Variants in DOCK3 observed in about 807,000 individuals in gnomAD.
The protein encoded by DOCK3 is dedicator of cytokinesis 3.
Under a neutral mutation model 265.6 loss-of-function variants are expected in DOCK3, and 60 were observed. The observed-to-expected ratio is 0.23, with a 90% CI of 0.18 to 0.28. DOCK3 has a LOEUF of 0.28. Among genes scored for constraint, DOCK3 ranks in the 10% least tolerant of loss-of-function variants. The probability of loss-of-function intolerance (pLI) is 1.00; values close to 1 mark genes in which losing one functional copy is unlikely to be tolerated. For missense variants in DOCK3, 1,981 were observed against 2,594.3 expected, an observed-to-expected ratio of 0.76 and a Z score of 5.14; for synonymous variants, 881 against 938.0, an observed-to-expected ratio of 0.94 and a Z score of 1.11.
intron 3 of DOCK3, among the ~76,000 whole-genome samples, chr3:50,877,980 C>T: frequency 6.6e-6 from 1 of 152,248 alleles, no homozygotes; most frequent in Non-Finnish European, 1.5e-5. Flanking sequence ...TGCTGTTCTG[C>T]AGCCTCCGCT....
chr3:51,073,186 A>G (rs1252913315), intron 6 of DOCK3, among the ~76,000 whole-genome samples: 1 of 152,272 alleles, frequency 6.6e-6, no homozygotes, highest in East Asian at 1.9e-4. Context: ...GAAAATTTGG[A>G]AAGTGTTTTA....
intron 1 of DOCK3, among the ~76,000 whole-genome samples, chr3:50,757,033 CA>C (rs1230667387): frequency 6.6e-6 from 1 of 151,974 alleles, no homozygotes; most frequent in Non-Finnish European, 1.5e-5. Flanking sequence ...GCTAATTTTT[CA>C]TAGAGACAGG....
chr3:50,794,528 GT>G (rs1347883945), intron 2 of DOCK3, among the ~76,000 whole-genome samples: 1 of 152,112 alleles, frequency 6.6e-6, no homozygotes, highest in Non-Finnish European at 1.5e-5. Context: ...TTTAAAGTCT[GT>G]TTTGTCTGAA....
chr3:50,712,695 C>A (rs898456834), intron 1 of DOCK3, among the ~76,000 whole-genome samples: 1 of 152,154 alleles, frequency 6.6e-6, no homozygotes. Context: ...AAAGTCTTTT[C>A]TGTTTTTCTT....
intron 9 of DOCK3, among the ~76,000 whole-genome samples, chr3:51,104,261 A>T (rs918165568): frequency 4.6e-5 from 7 of 152,246 alleles, no homozygotes; most frequent in Admixed American, 6.5e-5. Flanking sequence ...GAACAAGGAC[A>T]TAGGACAAAG....
intron 5 of DOCK3, among the ~76,000 whole-genome samples, chr3:51,063,135 C>A (rs953200807): frequency 1.3e-5 from 2 of 151,998 alleles, no homozygotes; most frequent in African/African-American, 2.4e-5. Context: ...CTAATCCCAG[C>A]ACTTTAGGGG....
intron 2 of DOCK3, among the ~76,000 whole-genome samples, chr3:50,808,250 T>G (rs2609037): frequency 0.094 from 14,364 of 152,256 alleles, 839 homozygotes; most frequent in Non-Finnish European, 0.12. Flanking sequence ...TGTTTATGAA[T>G]TGAAAGACTA....
chr3:50,965,033 TAGA>T (rs2076989949), intron 5 of DOCK3, among the ~76,000 whole-genome samples: 1 of 152,056 alleles, frequency 6.6e-6, no homozygotes, highest in South Asian at 2.1e-4. Flanking sequence ...AATGTATTAC[TAGA>T]AGACCTGAAC....
intron 19 of DOCK3, 29 bp downstream of exon 19, chr3:51,229,638 TG>T: frequency 6.6e-7 from 1 of 1,523,610 alleles, no homozygotes; most frequent in Non-Finnish European, 8.9e-7. Context: ...TTAAACATAC[TG>T]CATGAGGAAG....
At chr3:51,089,426 T>A in intron 8 of DOCK3, 142 bp downstream of exon 8, 1 of 1,029,550 alleles carries the variant, frequency 9.7e-7, no homozygotes, top group Non-Finnish European at 1.4e-6. Flanking sequence ...CTTTGACCTC[T>A]AAACAGTTTT....
At chr3:51,316,886 T>C (rs897898326) in intron 32 of DOCK3, among the ~76,000 whole-genome samples, 1 of 152,212 alleles carries the variant, frequency 6.6e-6, no homozygotes, top group African/African-American at 2.4e-5. Context: ...TTTACAGATA[T>C]TTTCTGCAAA....
intron 1 of DOCK3, among the ~76,000 whole-genome samples, chr3:50,740,636 AC>A (rs1374804904): frequency 6.6e-6 from 1 of 152,060 alleles, no homozygotes; most frequent in Non-Finnish European, 1.5e-5. Flanking sequence ...CAGCTGTTTT[AC>A]CGTCTTGGAA....
intron 5 of DOCK3, among the ~76,000 whole-genome samples, chr3:51,046,517 T>C (rs966011141): frequency 7.2e-5 from 11 of 152,184 alleles, no homozygotes; most frequent in African/African-American, 2.4e-5. Flanking sequence ...GTATAATGAT[T>C]GAATCAATTT....
At chr3:50,973,228 G>A (rs1167223870) in intron 5 of DOCK3, among the ~76,000 whole-genome samples, 8 of 149,446 alleles carry the variant, frequency 5.4e-5, no homozygotes, top group Non-Finnish European at 1.0e-4. Flanking sequence ...ACGCTGGTGC[G>A]CTGCACCCAC....
At chr3:51,047,872 C>G (rs544174150) in intron 5 of DOCK3, among the ~76,000 whole-genome samples, 5 of 152,130 alleles carry the variant, frequency 3.3e-5, no homozygotes, top group African/African-American at 1.2e-4. Context: ...GGAGCACTTC[C>G]AACTCATTTT....
At chr3:51,334,291 G>T (rs1272210873) in intron 35 of DOCK3, among the ~76,000 whole-genome samples, 2 of 152,194 alleles carry the variant, frequency 1.3e-5, no homozygotes, top group Non-Finnish European at 2.9e-5. Context: ...CCTTTTGGGA[G>T]CCTGGAGGAA....
Position 50,675,440 on chromosome 3 carries a change from G to T in DOCK3, c.37+140G>T. On this transcript the variant is annotated intron_variant, in intron 1 of 52. Transcript: ENST00000266037. The surrounding 1 kb of genome is among the most constrained non-coding windows in gnomAD (Gnocchi z 6.1). The stretch of plus-strand genomic sequence containing the variant: ...TCGGCGCGGGGCGAGCGCGGGGTGG[G>T]GGCAGGTGCGGGTGCGGGTGCGGGT... 1.4e-6 allele frequency: 1 copy of T among 730,854 alleles called. No individual in the cohort carries two copies. Among genetic ancestry groups the T allele is most frequent in the South Asian group, 6.3e-5 (1 of 15,902 alleles). The allele number at this position is 730,854 out of a possible 1,614,324, so 45.3% of individuals were successfully genotyped here.
At chr3:51,163,297 A>T (rs1158278302) in intron 12 of DOCK3, among the ~76,000 whole-genome samples, 2 of 152,158 alleles carry the variant, frequency 1.3e-5, no homozygotes, top group African/African-American at 4.8e-5. Flanking sequence ...AGCCTTAGCC[A>T]GAGAAGGTAG....
intron 12 of DOCK3, among the ~76,000 whole-genome samples, chr3:51,162,843 C>T (rs192415669): frequency 8.9e-4 from 135 of 151,932 alleles, no homozygotes; most frequent in African/African-American, 3.2e-3. Flanking sequence ...TAAAGTAGTT[C>T]TAAAAAGATG....
Sources: allele counts gnomAD v4.1 joint callset (sites outside exome capture counted in the v4.1 genomes callset), GRCh38; gene constraint gnomAD v4.1.1; non-coding constraint Gnocchi (gnomAD v3.1); transcripts MANE v1.5; gene names NCBI Gene and HGNC (gene_info 2026-07-23, HGNC 2026-07-21).